MEPE: variants seen among roughly 807,000 people sequenced by gnomAD.
MEPE encodes matrix extracellular phosphoglycoprotein.
MEPE carries 7 observed loss-of-function variants against 7.3 expected under a neutral mutation model. That is an observed-to-expected ratio of 0.95 (90% CI 0.54 to 1.79). The LOEUF is 1.79. Ranked by LOEUF, MEPE falls within the 40% of genes most tolerant of loss-of-function variation. MEPE has a pLI of 0.00. For missense variants in MEPE, 623 were observed against 628.2 expected, an observed-to-expected ratio of 0.99 and a Z score of 0.09; for synonymous variants, 214 against 213.1, an observed-to-expected ratio of 1.00 and a Z score of -0.04.
chr4:87,842,691 A>G (rs987861103), intron 3 of MEPE, among the ~76,000 whole-genome samples: 2 of 152,222 alleles, frequency 1.3e-5, no homozygotes, highest in Non-Finnish European at 2.9e-5. Flanking sequence ...ACTTTTTCAA[A>G]TGTTGGGAGG....
At chr4:87,823,462 C>A (rs1422448260) in intron 1 of MEPE, among the ~76,000 whole-genome samples, 1 of 152,200 alleles carries the variant, frequency 6.6e-6, no homozygotes, top group African/African-American at 2.4e-5. Context: ...GACATAAATT[C>A]TATGCCCTGC....
chr4:87,846,236 C>A lies in MEPE; in HGVS notation c.1368C>A (p.Gly456=). The A allele has an allele frequency of 6.2e-7, 1 of 1,614,000 alleles. No homozygotes were observed. Among genetic ancestry groups the A allele is most frequent in the Non-Finnish European group, 8.5e-7 (1 of 1,179,972 alleles). The change falls in exon 4 of 4, where the codon GGC becomes GGA. Residue 456 remains glycine (G), a synonymous_variant. Transcript: ENST00000361056. ...EIKNEMDSFN[G]PSHENIITHG... ...AAAACGAAATGGATTCCTTTAATGG[C>A]CCCAGTCATGAGAATATAATAACAC...
At chr4:87,843,370 G>A (rs529006705) in intron 3 of MEPE, among the ~76,000 whole-genome samples, 2 of 152,056 alleles carry the variant, frequency 1.3e-5, no homozygotes, top group East Asian at 3.9e-4. Flanking sequence ...TGGATATGAT[G>A]TCTCTGCCTC....
At chr4:87,824,408 C>T (rs1250710017) in intron 1 of MEPE, among the ~76,000 whole-genome samples, 1 of 152,186 alleles carries the variant, frequency 6.6e-6, no homozygotes, top group African/African-American at 2.4e-5. Flanking sequence ...GTGCCTAGGT[C>T]CTGGAACTGT....
In MEPE at chr4:87,843,486, G is replaced by A. The variant is rs535339611; in HGVS notation, c.109-1491G>A. Among the ~76,000 whole-genome samples the A allele has an allele frequency of 7.9e-5, 12 of 152,060 alleles. No individual in the cohort carries two copies. In the South Asian group the frequency reaches 2.5e-3, roughly 32 times the overall value. On this transcript the variant is annotated intron_variant, in intron 3 of 3. Transcript: ENST00000361056. ...CAGCACCCACCCTAATTTCTTCCATGTTCCAATCTCTCAATAAATATCTCC... is the reference window on the plus strand; with the variant it reads ...CAGCACCCACCCTAATTTCTTCCATATTCCAATCTCTCAATAAATATCTCC...
chr4:87,839,644 A>C, intron 3 of MEPE: 1 of 1,427,236 alleles, frequency 7.0e-7, no homozygotes, highest in Non-Finnish European at 9.6e-7. Flanking sequence ...CTTCTTTGTA[A>C]GAGATAAAAC....
chr4:87,844,895 T>C (rs1434753332), intron 3 of MEPE, 82 bp from the exon 4 acceptor site: 3 of 1,033,620 alleles, frequency 2.9e-6, no homozygotes, highest in Non-Finnish European at 4.0e-6. Context: ...ATCTGGTGGA[T>C]GGTTTTTATA....
In MEPE at chr4:87,846,144, A is replaced by C. The variant is rs376585237; in HGVS notation, c.1276A>C (p.Arg426=). The C allele has an allele frequency of 8.1e-6, 13 of 1,613,942 alleles. No homozygotes were observed. In the East Asian group the frequency reaches 2.9e-4, roughly 36 times the overall value. ...CCAAGCAACCTTAAATGAAAAACAA[A>C]GGTTTCCTAGTAAGGGCAAAAGTCA... ...RNQATLNEKQ[R]FPSKGKSQGL... Residue 426 remains arginine, a synonymous_variant, in exon 4 of 4, where the codon AGG becomes CGG. Transcript: ENST00000361056.
Position 87,845,726 on chromosome 4 carries a change from AG to A in MEPE, c.860del (p.Gly287AlafsTer49). On this transcript the variant is annotated frameshift_variant, in exon 4 of 4. Coordinates refer to ENST00000361056, the MANE Select transcript of MEPE (RefSeq NM_020203.6). LOFTEE classifies it low-confidence loss of function (END_TRUNC). ...EGKDIQTGFA[G>X]PSEAESTHLD... The stretch of plus-strand genomic sequence containing the variant: ...GCAAAGATATTCAAACAGGGTTTGC[AG>A]GCCCAAGTGAAGCTGAGAGTACTCA... 6.2e-7 allele frequency: 1 copy of A among 1,613,932 alleles called. No individual in the cohort carries two copies. The highest frequency in any genetic ancestry group is 8.5e-7 in the Non-Finnish European group (1 of 1,179,912).
At chr4:87,842,425 T>C (rs1466958900) in intron 3 of MEPE, among the ~76,000 whole-genome samples, 2 of 152,132 alleles carry the variant, frequency 1.3e-5, no homozygotes, top group Non-Finnish European at 2.9e-5. Flanking sequence ...AGCCAACAAA[T>C]TGAAGTGGTT....
At chr4:87,842,631 G>A (rs1347280776) in intron 3 of MEPE, among the ~76,000 whole-genome samples, 1 of 152,140 alleles carries the variant, frequency 6.6e-6, no homozygotes, top group African/African-American at 2.4e-5. Context: ...GAGAACTGTA[G>A]TGTCAACCTG....
upstream of MEPE, among the ~76,000 whole-genome samples, chr4:87,832,404 C>T (rs1384258057): frequency 6.6e-6 from 1 of 152,158 alleles, no homozygotes; most frequent in African/African-American, 2.4e-5. Flanking sequence ...TACTCCCCAA[C>T]AATACTTTTT....
chr4:87,845,259 G>A lies in MEPE; in HGVS notation c.391G>A (p.Asp131Asn), dbSNP rs746400257. Residue 131 changes from aspartate to asparagine, a missense_variant, in exon 4 of 4, where the codon GAT becomes AAT. Transcript: ENST00000361056. ...GAATAAAGGGTTTGAGGATGGAGAT[G>A]ATGCTATCAGCAAACTACATGACCA... is the stretch of plus-strand genomic sequence containing the variant. Reference protein sequence around the residue: ...TGNKGFEDGDDAISKLHDQEE... With the variant: ...TGNKGFEDGDNAISKLHDQEE... The A allele has an allele frequency of 6.2e-7, 1 of 1,614,030 alleles. No individual in the cohort carries two copies. Among genetic ancestry groups the A allele is most frequent in the East Asian group, 2.2e-5 (1 of 44,878 alleles).
At chr4:87,836,168 G>C (rs1722782918) in intron 2 of MEPE, among the ~76,000 whole-genome samples, 1 of 152,112 alleles carries the variant, frequency 6.6e-6, no homozygotes, top group Non-Finnish European at 1.5e-5. Flanking sequence ...GTAATTACCT[G>C]AATTTTTAAA....
intron 3 of MEPE, among the ~76,000 whole-genome samples, chr4:87,842,991 A>T (rs1215282069): frequency 6.6e-6 from 1 of 152,178 alleles, no homozygotes; most frequent in Admixed American, 6.6e-5. Flanking sequence ...TTCCCTTAAC[A>T]TCAATATGTC....
upstream of MEPE, among the ~76,000 whole-genome samples, chr4:87,831,495 C>T (rs1274881919): frequency 6.6e-6 from 1 of 152,134 alleles, no homozygotes; most frequent in Admixed American, 6.6e-5. Context: ...CAAACTTCTT[C>T]AGAATATGAC....
At chr4:87,835,187 C>T (rs770250377) in intron 2 of MEPE, among the ~76,000 whole-genome samples, 1 of 152,166 alleles carries the variant, frequency 6.6e-6, no homozygotes, top group Admixed American at 6.5e-5. Context: ...GATAAAAATG[C>T]AAAGAGACAA....
intron 3 of MEPE, 148 bp downstream of exon 3, chr4:87,838,833 A>G: frequency 3.2e-6 from 2 of 622,844 alleles, no homozygotes; most frequent in South Asian, 2.2e-5. Flanking sequence ...TTTCTAGTCA[A>G]TCAGGTATTG....
chr4:87,843,812 G>A (rs1476336051), intron 3 of MEPE, among the ~76,000 whole-genome samples: 1 of 152,120 alleles, frequency 6.6e-6, no homozygotes, highest in East Asian at 1.9e-4. Context: ...ATCCAGGTGT[G>A]GCTTACACCG....
Sources: gnomAD v4.1 joint callset for allele counts (sites outside exome capture counted in the v4.1 genomes callset) on GRCh38, gnomAD v4.1.1 for gene constraint, MANE v1.5 for transcripts, NCBI Gene and HGNC (gene_info 2026-07-23, HGNC 2026-07-21) for gene names.